The following PKN3 variants were observed in gnomAD, a reference collection of about 807,000 sequenced individuals.
The protein encoded by PKN3 is serine/threonine-protein kinase N3.
A neutral mutation model predicts 113.1 loss-of-function variants in PKN3; 91 were observed. The ratio of observed to expected loss-of-function variants is 0.80; its 90% CI spans 0.68 to 0.96. PKN3 has a LOEUF of 0.96. Ranked by LOEUF, PKN3 falls within the 40% of genes least tolerant of loss-of-function variation. The pLI is 0.00. For synonymous variants in PKN3, 467 were observed against 499.0 expected (o/e 0.94, Z 0.85); for missense variants, 1,052 against 1,202.2 (o/e 0.88, Z 1.85).
At position 128,714,555 on chromosome 9, in the gene PKN3, C is replaced by A; in HGVS notation, c.1482-7C>A. The A allele has an allele frequency of 1.7e-6, 2 of 1,168,730 alleles. No homozygotes were observed. The highest frequency in any genetic ancestry group is 1.2e-5 in the South Asian group (1 of 82,290). 72.4% of individuals were successfully genotyped at this position (1,168,730 alleles called of 1,614,324 possible). A position where few individuals can be genotyped will look rare whatever the true frequency, so the allele number is the denominator to read the frequency against. On this transcript the variant is annotated splice_region_variant and splice_polypyrimidine_tract_variant and intron_variant, in intron 11 of 21. Coordinates refer to ENST00000291906, the MANE Select transcript of PKN3 (RefSeq NM_013355.5). Reference sequence around the variant, plus strand: ...TGCTGGGCACTGTGTCTACTTTCTCCCTACAGTAATTTCCTGCCCAAGAAG... The same window carrying A: ...TGCTGGGCACTGTGTCTACTTTCTCACTACAGTAATTTCCTGCCCAAGAAG...
In PKN3 at chr9:128,707,527, G is replaced by A. The variant is rs935385654; in HGVS notation, c.835+122G>A. 7.6e-6 allele frequency: 6 copies of A among 788,452 alleles called. No homozygotes were observed. The African/African-American group carries it at 1.0e-4, about 14-fold the overall frequency. The allele number at this position is 788,452 out of a possible 1,614,324, so 48.8% of individuals were successfully genotyped here. A position where few individuals can be genotyped will look rare whatever the true frequency, so the allele number is the denominator to read the frequency against. ...CTGCCCCAGCACCCACTAGCAGCGTGACCTTGGCAAACTGACATTCCTTCT... is the reference window on the plus strand; with the variant it reads ...CTGCCCCAGCACCCACTAGCAGCGTAACCTTGGCAAACTGACATTCCTTCT... On this transcript the variant is annotated intron_variant, in intron 6 of 21. Transcript: ENST00000291906.
Position 128,720,558 on chromosome 9 carries a change from C to T in PKN3, c.2622C>T (p.Ala874=), listed in dbSNP as rs554976933. The change falls in exon 22 of 22, where the codon GCC becomes GCT. Residue 874 remains alanine (A), a synonymous_variant. Transcript: ENST00000291906. This position sits in a 1 kb window ranked among gnomAD's most constrained non-coding sequence, Gnocchi z 5.5. ...GCCTCCTCACTGCCCGCCAACAGGCCGCCTTCCGGGACTTCGACTTTGTGT... is the reference window on the plus strand; with the variant it reads ...GCCTCCTCACTGCCCGCCAACAGGCTGCCTTCCGGGACTTCGACTTTGTGT... ...PHSLLTARQQ[A]AFRDFDFVSE... 2.0e-5 allele frequency: 33 copies of T among 1,613,500 alleles called. No homozygotes were observed. Among genetic ancestry groups the T allele is most frequent in the Admixed American group, 1.8e-4 (11 of 60,022 alleles).
At chr9:128,718,112 T>G (rs992331743) in intron 16 of PKN3, among the ~76,000 whole-genome samples, 1 of 151,730 alleles carries the variant, frequency 6.6e-6, no homozygotes, top group Non-Finnish European at 1.5e-5. Flanking sequence ...TAAGGGCCCA[T>G]GAAGGGTGAG....
chr9:128,713,366 C>A lies in PKN3; in HGVS notation c.1071C>A (p.Thr357=). The A allele has an allele frequency of 1.2e-6, 2 of 1,614,056 alleles. No individual in the cohort carries two copies. The highest frequency in any genetic ancestry group is 1.7e-5 in the Admixed American group (1 of 60,022). The change falls in exon 8 of 22, where the codon ACC becomes ACA. Residue 357 remains threonine (T), a synonymous_variant. Coordinates refer to ENST00000291906, the MANE Select transcript of PKN3 (RefSeq NM_013355.5). ...TGGCCGAACAGTCCTGGGACCAGAC[C>A]TTTGTCATCCCACTGGAGCGAGTAA... ...GQVAEQSWDQ[T]FVIPLERARE...
chr9:128,705,838 GC>G lies in PKN3; in HGVS notation c.371del (p.Ala124ValfsTer4). ...TGTGGAGCTGAAGGTGAAGCAGGGG[GC>G]TGAGAACATGACCCACACGTGCGCC... ...LHVELKVKQG[A>X]ENMTHTCASG... On this transcript the variant is annotated frameshift_variant, in exon 3 of 22. Transcript: ENST00000291906. LOFTEE classifies it high-confidence loss of function. 1.2e-6 allele frequency: 2 copies of G among 1,608,766 alleles called. No homozygotes were observed. The highest frequency in any genetic ancestry group is 1.7e-6 in the Non-Finnish European group (2 of 1,177,508).
At chr9:128,718,012 G>T (rs948353086) in intron 16 of PKN3, among the ~76,000 whole-genome samples, 2 of 151,648 alleles carry the variant, frequency 1.3e-5, no homozygotes, top group Admixed American at 6.6e-5. Context: ...TGCAGCCTGG[G>T]TGACAGAGTG....
rs1862042586 is a variant in PKN3, at chr9:128,707,085, G to C, written c.651+62G>C. ...TTGTTCCCATACCACCCTCAGCAGGGGTGTGAAGGGAGGGTGGCCGTGTAA... is the reference window on the plus strand; with the variant it reads ...TTGTTCCCATACCACCCTCAGCAGGCGTGTGAAGGGAGGGTGGCCGTGTAA... On this transcript the variant is annotated intron_variant, in intron 5 of 21. Transcript: ENST00000291906. 1.1e-5 allele frequency: 17 copies of C among 1,605,332 alleles called. No individual in the cohort carries two copies. In the South Asian group the frequency reaches 1.5e-4, roughly 15 times the overall value.
At chr9:128,717,626 GC>G (rs1862382591) in intron 16 of PKN3, among the ~76,000 whole-genome samples, 1 of 151,288 alleles carries the variant, frequency 6.6e-6, no homozygotes, top group Non-Finnish European at 1.5e-5. Flanking sequence ...TACTTGAGAG[GC>G]TAAGGCAGGA....
Position 128,715,696 on chromosome 9 carries a change from T to C in PKN3, c.1808+236T>C, listed in dbSNP as rs1375220180. 1.3e-5 allele frequency among the ~76,000 whole-genome samples: 2 copies of C among 152,156 alleles called. No individual in the cohort carries two copies. The highest frequency in any genetic ancestry group is 2.4e-5 in the African/African-American group (1 of 41,424). On this transcript the variant is annotated intron_variant, in intron 15 of 21. Transcript: ENST00000291906. This position sits in a 1 kb window ranked among gnomAD's most constrained non-coding sequence, Gnocchi z 4.1. Reference sequence around the variant, plus strand: ...GGTGGCTGTGCACGTTCAGAGCTCCTTGTGAGCCCCTGACATATAGAAACC... The same window carrying C: ...GGTGGCTGTGCACGTTCAGAGCTCCCTGTGAGCCCCTGACATATAGAAACC...
rs967583475 is a variant in PKN3 at position 128,715,722 on chromosome 9, A to G, written c.1808+262A>G. On this transcript the variant is annotated intron_variant, in intron 15 of 21. Transcript: ENST00000291906. The surrounding 1 kb of genome is among the most constrained non-coding windows in gnomAD (Gnocchi z 4.1). ...TGTGAGCCCCTGACATATAGAAACCATCACTCTATGGCCAGGCGTGGTAAC... is the reference window on the plus strand; with the variant it reads ...TGTGAGCCCCTGACATATAGAAACCGTCACTCTATGGCCAGGCGTGGTAAC... Among the ~76,000 whole-genome samples, 2 of 152,178 alleles carry G rather than the reference A, an allele frequency of 1.3e-5. No individual in the cohort carries two copies. Among genetic ancestry groups the G allele is most frequent in the Non-Finnish European group, 2.9e-5 (2 of 68,038 alleles).
Position 128,720,088 on chromosome 9 carries a change from G to A in PKN3, c.2376+71G>A. 1 of 1,537,696 alleles carries A rather than the reference G, an allele frequency of 6.5e-7. No individual in the cohort carries two copies. The highest frequency in any genetic ancestry group is 1.1e-5 in the South Asian group (1 of 89,400). The stretch of plus-strand genomic sequence containing the variant: ...CCCATGTGCCCTCTGCCGTGGGACA[G>A]CAGACCCCCTGCCACCCATCCTTAG... On this transcript the variant is annotated intron_variant, in intron 20 of 21. Transcript: ENST00000291906. This position sits in a 1 kb window ranked among gnomAD's most constrained non-coding sequence, Gnocchi z 5.5.
chr9:128,716,888 G>T lies in PKN3; in HGVS notation c.1950G>T (p.Gln650His). Residue 650 changes from glutamine (Q) to histidine (H), a missense_variant, in exon 16 of 22, where the codon CAG (glutamine) becomes CAT (histidine). Physicochemically the swap from Gln to His is conservative, Grantham distance 24 (BLOSUM62 0). This residue lies in a region of PKN3 where 333 missense variants were observed against 442.8 expected (regional missense o/e 0.75). Coordinates refer to ENST00000291906, the MANE Select transcript of PKN3 (RefSeq NM_013355.5). ...EFVPGGDLMM[Q>H]IHEDVFPEPQ... ...TGCCTGGTGGTGACCTCATGATGCA[G>T]ATCCACGAGGATGTCTTCCCCGAGC... 6.2e-7 allele frequency: 1 copy of T among 1,613,894 alleles called. No homozygotes were observed. Among genetic ancestry groups the T allele is most frequent in the Non-Finnish European group, 8.5e-7 (1 of 1,179,976 alleles).
chr9:128,716,694 C>T, intron 15 of PKN3, 53 bp from the exon 16 acceptor site: 2 of 1,503,994 alleles, frequency 1.3e-6, no homozygotes, highest in Non-Finnish European at 1.8e-6. Flanking sequence ...GGGCACAGGG[C>T]ACAGCCCAGG....
chr9:128,710,271 G>A (rs940201915), intron 6 of PKN3, among the ~76,000 whole-genome samples: 10 of 151,754 alleles, frequency 6.6e-5, no homozygotes, highest in Admixed American at 6.6e-4. Context: ...CTGTCTCCTT[G>A]TAGCAGCAGC....
rs370572604 is a variant in PKN3 at position 128,713,118 on chromosome 9, C to G, written c.902C>G (p.Ala301Gly). The change falls in exon 7 of 22, where the codon GCG becomes GGG. Residue 301 changes from alanine (A) to glycine (G), a missense_variant. Physicochemically the swap from Ala to Gly is moderately conservative, Grantham distance 60. This residue lies in a region of PKN3 where 719 missense variants were observed against 759.4 expected (regional missense o/e 0.95). Transcript: ENST00000291906. ...ACAGCCGTGCCTGGGCGCTCCCCAG[C>G]GGCCGCACTGGCCAGCAGCCCCTCC... The part of the protein sequence containing the change: ...LLTAVPGRSP[A>G]AALASSPSEG... 6.2e-7 allele frequency: 1 copy of G among 1,612,018 alleles called. No homozygotes were observed. Among genetic ancestry groups the G allele is most frequent in the South Asian group, 1.1e-5 (1 of 90,966 alleles).
At chr9:128,708,049 C>T (rs1052485567) in intron 6 of PKN3, among the ~76,000 whole-genome samples, 12 of 127,564 alleles carry the variant, frequency 9.4e-5, no homozygotes, top group Admixed American at 2.9e-4. Context: ...CCACCCTGGG[C>T]GACGGGGCAA....
chr9:128,709,216 G>T (rs1205340199), intron 6 of PKN3, among the ~76,000 whole-genome samples: 1 of 151,688 alleles, frequency 6.6e-6, no homozygotes, highest in Non-Finnish European at 1.5e-5. Context: ...ACCCCGGGGG[G>T]CGGAGCCTAC....
At position 128,713,053 on chromosome 9, in the gene PKN3, G is replaced by T. The variant is rs148262321; in HGVS notation, c.837G>T (p.Gly279=). 1.2e-6 allele frequency: 2 copies of T among 1,602,112 alleles called. No homozygotes were observed. The highest frequency in any genetic ancestry group is 1.3e-5 in the African/African-American group (1 of 74,672). ...GTPVKPTALT[G]TLQVRLLGCE... is the part of the protein sequence containing the mutation. Reference sequence around the variant, plus strand: ...GCCCCCCGCTCACTCTCCCCACAGGGACACTGCAGGTCCGCCTCCTGGGCT... The same window carrying T: ...GCCCCCCGCTCACTCTCCCCACAGGTACACTGCAGGTCCGCCTCCTGGGCT... The change falls in exon 7 of 22, where the codon GGG becomes GGT. Residue 279 remains glycine (G), a splice_region_variant and synonymous_variant. Transcript: ENST00000291906.
intron 18 of PKN3, among the ~76,000 whole-genome samples, 166 bp downstream of exon 18, chr9:128,718,791 C>T (rs560720119): frequency 6.6e-6 from 1 of 152,172 alleles, no homozygotes; most frequent in South Asian, 2.1e-4. Flanking sequence ...CTGGCCCTTT[C>T]TTCCTAGTCC....
Sources: allele counts gnomAD v4.1 joint callset (sites outside exome capture counted in the v4.1 genomes callset), GRCh38; gene constraint gnomAD v4.1.1; regional missense constraint gnomAD v4.1.1; non-coding constraint Gnocchi (gnomAD v3.1); transcripts MANE v1.5; gene names NCBI Gene and HGNC (gene_info 2026-07-23, HGNC 2026-07-21).